The following SKAP1 variants were observed in gnomAD, a reference collection of about 807,000 sequenced individuals.
SKAP1 encodes src kinase-associated phosphoprotein 1.
Under a neutral mutation model 58.5 loss-of-function variants are expected in SKAP1, and 44 were observed. That is an observed-to-expected ratio of 0.75 (90% CI 0.59 to 0.97). The LOEUF (loss-of-function observed/expected upper bound fraction) is 0.97. SKAP1 is among the 50% of genes least tolerant of loss of function. The pLI, the probability that SKAP1 is intolerant of heterozygous loss-of-function variation, is 0.00. For synonymous variants in SKAP1, 127 were observed against 149.7 expected (o/e 0.85, Z 1.11); for missense variants, 390 against 435.2 (o/e 0.90, Z 0.92).
the SKAP1 span, among the ~76,000 whole-genome samples, chr17:48,438,456 G>T: frequency 6.6e-6 from 1 of 152,168 alleles, no homozygotes; most frequent in African/African-American, 2.4e-5. Flanking sequence ...CAAGATATAG[G>T]TATCATTGGT....
intron 4 of SKAP1, among the ~76,000 whole-genome samples, chr17:48,208,655 A>G (rs2064836342): frequency 6.6e-6 from 1 of 152,226 alleles, no homozygotes; most frequent in Non-Finnish European, 1.5e-5. Context: ...TGTCCTGTTT[A>G]TATTTCATTT....
chr17:48,400,793 G>T (rs1364468465), intron 1 of SKAP1, among the ~76,000 whole-genome samples: 3 of 151,716 alleles, frequency 2.0e-5, no homozygotes, highest in African/African-American at 7.3e-5. Context: ...GCAGGTAAAA[G>T]AATTAAGAAT....
chr17:48,262,550 A>C (rs930319581), intron 4 of SKAP1, among the ~76,000 whole-genome samples: 1 of 152,222 alleles, frequency 6.6e-6, no homozygotes, highest in Non-Finnish European at 1.5e-5. Context: ...CTGTTTGATG[A>C]GTAAAAACTT....
At chr17:48,230,963 A>C (rs1460859596) in intron 4 of SKAP1, among the ~76,000 whole-genome samples, 3 of 152,214 alleles carry the variant, frequency 2.0e-5, no homozygotes, top group Non-Finnish European at 4.4e-5. Context: ...ATCTCATGTA[A>C]TCTGCACAGT....
intron 4 of SKAP1, among the ~76,000 whole-genome samples, chr17:48,294,816 A>T (rs1469500211): frequency 2.6e-5 from 4 of 152,170 alleles, no homozygotes; most frequent in Non-Finnish European, 4.4e-5. Flanking sequence ...AAGTGGCCTA[A>T]ATCTGGACAT....
chr17:48,260,920 T>G (rs902262043), intron 4 of SKAP1, among the ~76,000 whole-genome samples: 1 of 152,190 alleles, frequency 6.6e-6, no homozygotes, highest in African/African-American at 2.4e-5. Context: ...ACTGTTCCCC[T>G]GCCTGGAACA....
intron 4 of SKAP1, among the ~76,000 whole-genome samples, chr17:48,273,672 G>A (rs1598496728): frequency 6.6e-6 from 1 of 152,010 alleles, no homozygotes. Context: ...ACCCACCTCG[G>A]CCCCCCAAAG....
At position 48,155,848 on chromosome 17, in the gene SKAP1, G is replaced by A. The variant is rs142422880; in HGVS notation, c.978+6621C>T. On this transcript the variant is annotated intron_variant, in intron 11 of 12. Coordinates refer to ENST00000336915, the MANE Select transcript of SKAP1 (RefSeq NM_003726.4). ...TTCCAGGGCAACAGAGAGAGACTCC[G>A]TCTCAAGAAAAACAGAAACAAAAAC... 9.9e-5 allele frequency among the ~76,000 whole-genome samples: 15 copies of A among 152,278 alleles called. No homozygotes were observed. The East Asian group carries it at 2.9e-3, about 29-fold the overall frequency.
chr17:48,270,547 T>C (rs935326819), intron 4 of SKAP1, among the ~76,000 whole-genome samples: 10 of 152,054 alleles, frequency 6.6e-5, no homozygotes, highest in African/African-American at 2.4e-4. Context: ...TTCTCCATGT[T>C]GGCCAGGCTG....
intron 2 of SKAP1, among the ~76,000 whole-genome samples, chr17:48,369,264 G>T (rs1024134584): frequency 6.6e-6 from 1 of 152,016 alleles, no homozygotes; most frequent in African/African-American, 2.4e-5. Flanking sequence ...GCCAAGGTGG[G>T]TATATTGCTT....
At chr17:48,198,403 C>G (rs922865896) in intron 4 of SKAP1, among the ~76,000 whole-genome samples, 110 of 126,396 alleles carry the variant, frequency 8.7e-4, no homozygotes, top group African/African-American at 3.2e-3. Flanking sequence ...TGCAGTGAGC[C>G]GAGATGGCGC....
intron 4 of SKAP1, among the ~76,000 whole-genome samples, chr17:48,194,255 A>C (rs538920768): frequency 6.6e-6 from 1 of 152,284 alleles, no homozygotes; most frequent in East Asian, 1.9e-4. Context: ...GATAAAAGAA[A>C]TTCTCAGATA....
chr17:48,183,982 CA>C (rs1419110973), intron 7 of SKAP1, among the ~76,000 whole-genome samples: 1 of 115,686 alleles, frequency 8.6e-6, no homozygotes, highest in African/African-American at 3.3e-5. Flanking sequence ...TAAAAATTAC[CA>C]AAAAGCAGGA....
At chr17:48,148,253 G>A (rs768765133) in intron 11 of SKAP1, among the ~76,000 whole-genome samples, 14 of 152,146 alleles carry the variant, frequency 9.2e-5, no homozygotes, top group Non-Finnish European at 1.3e-4. Context: ...GAACAATCAA[G>A]CTGTGAAGGT....
chr17:48,391,712 C>T (rs564491548), intron 2 of SKAP1, among the ~76,000 whole-genome samples: 48 of 149,688 alleles, frequency 3.2e-4, no homozygotes, highest in African/African-American at 1.1e-3. Flanking sequence ...CAGATGTGGT[C>T]AAATTATTGC....
chr17:48,315,574 C>T (rs2066277046), intron 4 of SKAP1, among the ~76,000 whole-genome samples: 1 of 152,174 alleles, frequency 6.6e-6, no homozygotes, highest in Admixed American at 6.5e-5. Context: ...ACACAACTAT[C>T]CATTTACTGT....
intron 4 of SKAP1, among the ~76,000 whole-genome samples, chr17:48,337,264 T>G (rs1271749950): frequency 4.6e-5 from 7 of 152,218 alleles, no homozygotes; most frequent in Non-Finnish European, 8.8e-5. Flanking sequence ...TTCAACAATC[T>G]TTCCCTAGTA....
intron 4 of SKAP1, among the ~76,000 whole-genome samples, chr17:48,254,865 T>C (rs2065405523): frequency 2.6e-5 from 4 of 152,014 alleles, no homozygotes; most frequent in Non-Finnish European, 1.5e-5. Context: ...AATTCTAACA[T>C]CATCAGCAAT....
chr17:48,159,509 TC>T (rs1044150047), intron 11 of SKAP1, among the ~76,000 whole-genome samples: 4 of 152,194 alleles, frequency 2.6e-5, no homozygotes, highest in African/African-American at 9.7e-5. Context: ...GACACCACTT[TC>T]CGGGACTAAA....
Sources: gnomAD v4.1 joint callset for allele counts (sites outside exome capture counted in the v4.1 genomes callset) on GRCh38, gnomAD v4.1.1 for gene constraint, MANE v1.5 for transcripts, NCBI Gene and HGNC (gene_info 2026-07-23, HGNC 2026-07-21) for gene names.